Variants in GRM3 observed in about 807,000 individuals in gnomAD.
GRM3 encodes metabotropic glutamate receptor 3.
A neutral mutation model predicts 70.5 loss-of-function variants in GRM3; 26 were observed. The observed-to-expected ratio is 0.37, with a 90% CI of 0.27 to 0.51. GRM3 has a LOEUF of 0.51. GRM3 is among the 20% of genes least tolerant of loss of function. The pLI is 0.93. For missense variants in GRM3, 859 were observed against 1,123.8 expected, an observed-to-expected ratio of 0.76 and a Z score of 3.37; for synonymous variants, 443 against 434.9, an observed-to-expected ratio of 1.02 and a Z score of -0.23.
chr7:86,780,370 G>A (rs1464904200), intron 2 of GRM3, among the ~76,000 whole-genome samples: 1 of 152,094 alleles, frequency 6.6e-6, no homozygotes, highest in East Asian at 1.9e-4. Flanking sequence ...TTATAACATT[G>A]CATCTGCTGG....
intron 3 of GRM3, among the ~76,000 whole-genome samples, chr7:86,804,126 T>C (rs1203105510): frequency 1.3e-5 from 2 of 152,176 alleles, no homozygotes; most frequent in African/African-American, 2.4e-5. Context: ...TGCAATGTTA[T>C]AGGCAGTAAA....
intron 1 of GRM3, among the ~76,000 whole-genome samples, chr7:86,727,342 T>C (rs1355248715): frequency 6.6e-6 from 1 of 152,156 alleles, no homozygotes; most frequent in Non-Finnish European, 1.5e-5. Context: ...TTCATATATA[T>C]TCCATCTACT....
Position 86,786,445 on chromosome 7 carries a change from C to A in GRM3, c.653C>A (p.Ser218Tyr). Residue 218 changes from serine to tyrosine, a missense_variant, in exon 3 of 6, where the codon TCC becomes TAC. By Grantham distance (144) the Ser-to-Tyr change is moderately radical. Coordinates refer to ENST00000361669, the MANE Select transcript of GRM3 (RefSeq NM_000840.3). The surrounding 1 kb of genome is among the most constrained non-coding windows in gnomAD (Gnocchi z 6.0). ...FNWTYVSTVASEGDYGETGIE... is the reference protein window; with the variant it reads ...FNWTYVSTVAYEGDYGETGIE... Reference sequence around the variant, plus strand: ...TGGACCTACGTGTCCACAGTAGCCTCCGAGGGTGATTACGGGGAGACAGGG... The same window carrying A: ...TGGACCTACGTGTCCACAGTAGCCTACGAGGGTGATTACGGGGAGACAGGG... The A allele has an allele frequency of 6.2e-7, 1 of 1,614,232 alleles. No homozygotes were observed. Among genetic ancestry groups the A allele is most frequent in the Non-Finnish European group, 8.5e-7 (1 of 1,180,040 alleles).
At chr7:86,741,081 T>A (rs1795980044) in intron 1 of GRM3, among the ~76,000 whole-genome samples, 1 of 152,152 alleles carries the variant, frequency 6.6e-6, no homozygotes, top group Admixed American at 6.6e-5. Flanking sequence ...TCCTGGACCA[T>A]CTCCACCCAG....
At position 86,648,617 on chromosome 7, in the gene GRM3, C is replaced by T. The variant is rs190152503; in HGVS notation, c.-141+3745C>T. Among the ~76,000 whole-genome samples the T allele has an allele frequency of 1.0e-3, 154 of 152,000 alleles. 1 individual carries two copies. Among genetic ancestry groups the T allele is most frequent in the South Asian group, 2.5e-3 (12 of 4,814 alleles). ...GTGGAATTAAGGCCAAATTATTCAC[C>T]GTGCTGCATTATGAAAAGTAAGCTT... On this transcript the variant is annotated intron_variant, in intron 1 of 5. Transcript: ENST00000361669.
intron 1 of GRM3, among the ~76,000 whole-genome samples, chr7:86,753,908 A>G (rs953420251): frequency 6.6e-6 from 1 of 152,142 alleles, no homozygotes; most frequent in Non-Finnish European, 1.5e-5. Flanking sequence ...TTAAGGTGCC[A>G]GCATGGTGAC....
chr7:86,799,538 T>C (rs1584252461), intron 3 of GRM3, among the ~76,000 whole-genome samples: 1 of 152,214 alleles, frequency 6.6e-6, no homozygotes, highest in East Asian at 1.9e-4. Flanking sequence ...TACCTAGTTT[T>C]TTTTTTTAGA....
At chr7:86,835,887 C>T (rs1370218112) in intron 3 of GRM3, among the ~76,000 whole-genome samples, 2 of 152,136 alleles carry the variant, frequency 1.3e-5, no homozygotes, top group East Asian at 3.8e-4. Context: ...GCTGGGATAA[C>T]AGATATGAGC....
chr7:86,698,181 A>T (rs1462981316), intron 1 of GRM3, among the ~76,000 whole-genome samples: 2 of 152,006 alleles, frequency 1.3e-5, no homozygotes, highest in Admixed American at 6.6e-5. Flanking sequence ...GAACTGGGGG[A>T]TTTACCAAGG....
At chr7:86,668,663 G>A (rs1794092537) in intron 1 of GRM3, among the ~76,000 whole-genome samples, 2 of 152,080 alleles carry the variant, frequency 1.3e-5, no homozygotes, top group African/African-American at 4.8e-5. Flanking sequence ...GACTTACCCT[G>A]CAAATATATT....
chr7:86,755,468 G>A (rs1156395439), intron 1 of GRM3, among the ~76,000 whole-genome samples: 1 of 152,076 alleles, frequency 6.6e-6, no homozygotes, highest in Non-Finnish European at 1.5e-5. Context: ...GGAAATATGG[G>A]GGTTAAGGAT....
At chr7:86,838,238 A>G (rs1335068452) in intron 3 of GRM3, among the ~76,000 whole-genome samples, 1 of 152,234 alleles carries the variant, frequency 6.6e-6, no homozygotes, top group East Asian at 1.9e-4. Flanking sequence ...ATTAATGTCA[A>G]TATTAAATTT....
chr7:86,712,144 T>C (rs961558833), intron 1 of GRM3, among the ~76,000 whole-genome samples: 3 of 152,020 alleles, frequency 2.0e-5, no homozygotes, highest in Non-Finnish European at 4.4e-5. Flanking sequence ...TACTTTACCT[T>C]TGACTTGCCC....
intron 3 of GRM3, among the ~76,000 whole-genome samples, chr7:86,826,409 G>C (rs559498201): frequency 1.3e-5 from 2 of 152,288 alleles, no homozygotes; most frequent in South Asian, 4.1e-4. Flanking sequence ...TGTGCAGCTG[G>C]CTGACTGGTT....
At chr7:86,837,644 G>C in intron 3 of GRM3, among the ~76,000 whole-genome samples, 1 of 152,122 alleles carries the variant, frequency 6.6e-6, no homozygotes, top group East Asian at 1.9e-4. Flanking sequence ...GAAGAGGAGG[G>C]CCTAGGCAGG....
intron 1 of GRM3, among the ~76,000 whole-genome samples, chr7:86,704,797 A>C (rs77887427): frequency 0.021 from 3,241 of 152,010 alleles, 96 homozygotes; most frequent in African/African-American, 0.071. Flanking sequence ...ATTTCTTTAG[A>C]GATTACCTTT....
chr7:86,674,621 T>G (rs965530949), intron 1 of GRM3, among the ~76,000 whole-genome samples: 2 of 152,174 alleles, frequency 1.3e-5, no homozygotes, highest in Non-Finnish European at 2.9e-5. Context: ...TATCACTTAA[T>G]GAACACCTAA....
At chr7:86,735,013 G>A (rs1428529898) in intron 1 of GRM3, among the ~76,000 whole-genome samples, 1 of 152,132 alleles carries the variant, frequency 6.6e-6, no homozygotes, top group Non-Finnish European at 1.5e-5. Context: ...TAAAATGGTT[G>A]GAAGGAAGGC....
intron 1 of GRM3, among the ~76,000 whole-genome samples, chr7:86,690,432 A>G (rs1562826775): frequency 2.6e-5 from 4 of 152,176 alleles, no homozygotes; most frequent in Admixed American, 2.6e-4. Flanking sequence ...GTTGTTAAAT[A>G]AAGAGTGAAT....
Sources: allele counts gnomAD v4.1 joint callset (sites outside exome capture counted in the v4.1 genomes callset), GRCh38; gene constraint gnomAD v4.1.1; non-coding constraint Gnocchi (gnomAD v3.1); transcripts MANE v1.5; gene names NCBI Gene and HGNC (gene_info 2026-07-23, HGNC 2026-07-21).